PGGT1B: variants seen among roughly 807,000 people sequenced by gnomAD.
PGGT1B encodes geranylgeranyl transferase type-1 subunit beta.
A neutral mutation model predicts 46.1 loss-of-function variants in PGGT1B; 30 were observed. That is an observed-to-expected ratio of 0.65 (90% CI 0.49 to 0.88). The LOEUF (loss-of-function observed/expected upper bound fraction) is 0.88. Ranked by LOEUF, PGGT1B falls within the 40% of genes least tolerant of loss-of-function variation. PGGT1B has a pLI of 0.00. For synonymous variants in PGGT1B, 170 were observed against 160.0 expected, an observed-to-expected ratio of 1.06 and a Z score of -0.47; for missense variants, 376 against 455.9, an observed-to-expected ratio of 0.82 and a Z score of 1.60.
chr5:115,257,841 A>T (rs909122623), intron 1 of PGGT1B, among the ~76,000 whole-genome samples: 18 of 152,220 alleles, frequency 1.2e-4, no homozygotes, highest in African/African-American at 4.3e-4. Context: ...CACAAATAAA[A>T]TTGATAACCA....
At chr5:115,213,316 C>A (rs1434653188) in intron 8 of PGGT1B, among the ~76,000 whole-genome samples, 1 of 152,176 alleles carries the variant, frequency 6.6e-6, no homozygotes, top group Non-Finnish European at 1.5e-5. Context: ...ATTAAAGTGG[C>A]CAATGAAATC....
At chr5:115,214,408 T>G (rs908400449) in intron 8 of PGGT1B, among the ~76,000 whole-genome samples, 2 of 152,186 alleles carry the variant, frequency 1.3e-5, no homozygotes, top group Non-Finnish European at 2.9e-5. Flanking sequence ...ATATATTTAC[T>G]CCACAATAAA....
In PGGT1B at chr5:115,210,612, C is replaced by T. The variant is rs1756193169; in HGVS notation, c.*1790G>A. The T allele has an allele frequency of 6.6e-6, 1 of 152,178 alleles. No individual in the cohort carries two copies. The highest frequency in any genetic ancestry group is 1.5e-5 in the Non-Finnish European group (1 of 67,952). 9.4% of individuals were successfully genotyped at this position (152,178 alleles called of 1,614,324 possible). On this transcript the variant is annotated 3_prime_UTR_variant, in exon 9 of 9. Transcript: ENST00000419445. ...CTTTTAGATTGGAATTTTTCTCTAACATTTATGAATAAAATCACTGTTACT... is the reference window on the plus strand; with the variant it reads ...CTTTTAGATTGGAATTTTTCTCTAATATTTATGAATAAAATCACTGTTACT...
intron 5 of PGGT1B, among the ~76,000 whole-genome samples, chr5:115,235,548 C>A (rs2127009469): frequency 6.6e-6 from 1 of 152,222 alleles, no homozygotes; most frequent in African/African-American, 2.4e-5. Context: ...GGCAAATCAA[C>A]TTGCTGCACC....
At chr5:115,217,776 TC>T (rs1370252133) in intron 7 of PGGT1B, among the ~76,000 whole-genome samples, 1 of 152,030 alleles carries the variant, frequency 6.6e-6, no homozygotes, top group Non-Finnish European at 1.5e-5. Context: ...ACAAATTTAT[TC>T]ATTTACATTG....
At chr5:115,259,412 G>A (rs1020660504) in intron 1 of PGGT1B, among the ~76,000 whole-genome samples, 9 of 152,224 alleles carry the variant, frequency 5.9e-5, no homozygotes, top group East Asian at 5.8e-4. Flanking sequence ...TAAGGGGGCC[G>A]GGCACGGTGG....
chr5:115,224,386 C>G (rs1210097766), intron 6 of PGGT1B, among the ~76,000 whole-genome samples: 1 of 152,186 alleles, frequency 6.6e-6, no homozygotes, highest in Non-Finnish European at 1.5e-5. Flanking sequence ...GAAAAACACT[C>G]TTTACTTTGT....
chr5:115,244,406 A>C (rs1286223736), intron 2 of PGGT1B, among the ~76,000 whole-genome samples: 1 of 122,724 alleles, frequency 8.1e-6, no homozygotes, highest in Non-Finnish European at 1.6e-5. Flanking sequence ...CGGAGCTTGC[A>C]GTGAGCTAAG....
chr5:115,235,643 T>C (rs1757158020), intron 5 of PGGT1B, among the ~76,000 whole-genome samples: 1 of 152,108 alleles, frequency 6.6e-6, no homozygotes, highest in Non-Finnish European at 1.5e-5. Flanking sequence ...CTATCAAACA[T>C]AAATCTCTTT....
chr5:115,224,073 T>C (rs573133606), intron 6 of PGGT1B, among the ~76,000 whole-genome samples: 76 of 152,058 alleles, frequency 5.0e-4, no homozygotes, highest in Admixed American at 1.2e-3. Context: ...TCAGAATTAG[T>C]TGGGACATCT....
chr5:115,239,753 A>G (rs1029562369), intron 3 of PGGT1B, among the ~76,000 whole-genome samples: 5 of 152,194 alleles, frequency 3.3e-5, no homozygotes, highest in Non-Finnish European at 7.4e-5. Context: ...GAAAAAGTAA[A>G]CGCAAATTAG....
intron 6 of PGGT1B, among the ~76,000 whole-genome samples, chr5:115,224,983 G>A (rs896450949): frequency 5.3e-5 from 8 of 152,046 alleles, no homozygotes; most frequent in African/African-American, 1.9e-4. Context: ...TATCTTTTTG[G>A]GGCTGAATGG....
At chr5:115,223,031 T>G (rs1756634971) in intron 6 of PGGT1B, among the ~76,000 whole-genome samples, 1 of 151,748 alleles carries the variant, frequency 6.6e-6, no homozygotes, top group African/African-American at 2.4e-5. Flanking sequence ...GATGAGTTAA[T>G]GGGTGCAGCA....
chr5:115,261,809 T>G (rs1748567212), intron 1 of PGGT1B, among the ~76,000 whole-genome samples: 1 of 152,240 alleles, frequency 6.6e-6, no homozygotes, highest in Non-Finnish European at 1.5e-5. Context: ...TATACTCCTA[T>G]GAACACTACA....
chr5:115,235,676 G>T (rs1757158627), intron 5 of PGGT1B, among the ~76,000 whole-genome samples: 1 of 151,900 alleles, frequency 6.6e-6, no homozygotes, highest in Admixed American at 6.6e-5. Context: ...TCCTTTAATG[G>T]TATCTTCTTT....
intron 6 of PGGT1B, among the ~76,000 whole-genome samples, chr5:115,224,701 C>A (rs1317654663): frequency 1.3e-5 from 2 of 151,910 alleles, no homozygotes; most frequent in African/African-American, 4.8e-5. Flanking sequence ...GAGACCCTGT[C>A]TCTACAAAAA....
chr5:115,251,446 G>T lies in PGGT1B; in HGVS notation c.259+1691C>A, dbSNP rs149605695. ...AAAAACTCATTTCACTAATAAAATG[G>T]TAGGGGGAAGTAAACACTTATTAAA... On this transcript the variant is annotated intron_variant, in intron 2 of 8. Transcript: ENST00000419445. 5.0e-3 allele frequency among the ~76,000 whole-genome samples: 768 copies of T among 152,132 alleles called. 5 individuals carry two copies. The highest frequency in any genetic ancestry group is 6.3e-3 in the Non-Finnish European group (431 of 67,928).
rs889110858 is a variant in PGGT1B at position 115,206,114 on chromosome 5, G to T, written c.*6288C>A. ...AATATTTAGTACCTCAGATCTTTAT[G>T]TATAGTATACATACATATATCTATT... is the stretch of plus-strand genomic sequence containing the variant. On this transcript the variant is annotated 3_prime_UTR_variant, in exon 9 of 9. Coordinates refer to ENST00000419445, the MANE Select transcript of PGGT1B (RefSeq NM_005023.4). The T allele has an allele frequency of 6.6e-6, 1 of 151,706 alleles. No individual in the cohort carries two copies. The highest frequency in any genetic ancestry group is 2.4e-5 in the African/African-American group (1 of 41,350). The allele number at this position is 151,706 out of a possible 1,614,324, so 9.4% of individuals were successfully genotyped here.
At chr5:115,220,137 T>C (rs1216460212) in intron 7 of PGGT1B, among the ~76,000 whole-genome samples, 2 of 151,792 alleles carry the variant, frequency 1.3e-5, no homozygotes, top group Admixed American at 6.6e-5. Context: ...CTTGAACATA[T>C]ATTTATACAC....
Sources: gnomAD v4.1 joint callset for allele counts (sites outside exome capture counted in the v4.1 genomes callset) on GRCh38, gnomAD v4.1.1 for gene constraint, MANE v1.5 for transcripts, NCBI Gene and HGNC (gene_info 2026-07-23, HGNC 2026-07-21) for gene names.